The following TBL1X variants were observed in gnomAD, a reference collection of about 807,000 sequenced individuals.
TBL1X encodes transducin beta like 1 X-linked.
A neutral mutation model predicts 50.7 loss-of-function variants in TBL1X; 10 were observed. The ratio of observed to expected loss-of-function variants is 0.20; its 90% CI spans 0.12 to 0.33. The LOEUF (loss-of-function observed/expected upper bound fraction) is 0.33, where lower values mean the gene tolerates loss of function less well. Ranked by LOEUF, TBL1X falls within the 10% of genes least tolerant of loss-of-function variation. The pLI is 1.00. For synonymous variants in TBL1X, 190 were observed against 214.7 expected (o/e 0.88, Z 1.01); for missense variants, 340 against 504.4 (o/e 0.67, Z 3.12).
intron 15 of TBL1X, 43 bp downstream of exon 15, chrX:9,709,803 A>G (rs752366539): frequency 9.2e-6 from 11 of 1,194,574 alleles, no homozygotes; most frequent in East Asian, 3.0e-5. Context: ...GTGTTACACA[A>G]AGACAACAGG....
chrX:9,670,425 C>T (rs1287624766), intron 5 of TBL1X, among the ~76,000 whole-genome samples: 2 of 111,441 alleles, frequency 1.8e-5, no homozygotes, highest in African/African-American at 6.5e-5. Flanking sequence ...TCTAAGCCTT[C>T]GGAGAGACTT....
At chrX:9,600,066 C>T (rs1601785818) in intron 2 of TBL1X, among the ~76,000 whole-genome samples, 1 of 111,896 alleles carries the variant, frequency 8.9e-6, no homozygotes, top group African/African-American at 3.2e-5. Context: ...TCAGTTGGAT[C>T]AGTAACACTC....
intron 11 of TBL1X, among the ~76,000 whole-genome samples, chrX:9,695,364 A>C (rs1436371858): frequency 8.9e-6 from 1 of 112,548 alleles, no homozygotes; most frequent in Non-Finnish European, 1.9e-5. Flanking sequence ...AACCTTTCAG[A>C]CTTAGTAGCC....
intron 1 of TBL1X, among the ~76,000 whole-genome samples, chrX:9,479,417 G>C (rs1005651854): frequency 8.9e-6 from 1 of 112,338 alleles, no homozygotes; most frequent in African/African-American, 3.3e-5. Flanking sequence ...CTGCACTCCA[G>C]TCTGGGCAAC....
chrX:9,539,983 C>G lies in TBL1X; in HGVS notation c.-131+38134C>G, dbSNP rs187693587. Among the ~76,000 whole-genome samples the G allele has an allele frequency of 8.0e-5, 9 of 112,662 alleles. No individual in the cohort carries two copies. In the Admixed American group the frequency reaches 8.4e-4, roughly 11 times the overall value. ...AAGACATTCATAGTTGCAGGCAGAA[C>G]AGAATATCCAGAACAGGTGCAGAAT... On this transcript the variant is annotated intron_variant, in intron 2 of 17. Coordinates refer to ENST00000645353, the MANE Select transcript of TBL1X (RefSeq NM_005647.4).
intron 1 of TBL1X, among the ~76,000 whole-genome samples, chrX:9,484,879 C>T (rs1025777873): frequency 1.1e-5 from 1 of 92,789 alleles, no homozygotes; most frequent in African/African-American, 4.2e-5. Flanking sequence ...CCGAGAAGTT[C>T]GAGACCAGCC....
At chrX:9,670,278 G>C (rs1331293004) in intron 5 of TBL1X, among the ~76,000 whole-genome samples, 1 of 110,814 alleles carries the variant, frequency 9.0e-6, no homozygotes, top group African/African-American at 3.3e-5. Context: ...AACCGGTCCT[G>C]TGGCCCCCCC....
intron 2 of TBL1X, chrX:9,560,487 C>G (rs939242620): frequency 5.3e-5 from 6 of 112,469 alleles, no homozygotes; most frequent in African/African-American, 1.9e-4. Flanking sequence ...TGCGTTGCTT[C>G]TCACTTTCAC....
chrX:9,686,236 C>T (rs1265488731), intron 6 of TBL1X, among the ~76,000 whole-genome samples: 2 of 111,714 alleles, frequency 1.8e-5, no homozygotes, highest in Non-Finnish European at 3.8e-5. Context: ...AAGGTCCAGC[C>T]AGCCATCAGA....
At chrX:9,547,373 G>A (rs2082249909) in intron 2 of TBL1X, among the ~76,000 whole-genome samples, 1 of 110,307 alleles carries the variant, frequency 9.1e-6, no homozygotes, top group Non-Finnish European at 1.9e-5. Flanking sequence ...AGGCTGGAGT[G>A]CAATGGCGCG....
chrX:9,620,872 C>A (rs1294527004), intron 2 of TBL1X, among the ~76,000 whole-genome samples: 1 of 111,950 alleles, frequency 8.9e-6, no homozygotes, highest in African/African-American at 3.3e-5. Context: ...CCACTGGGTC[C>A]CAGGCAGGGA....
intron 2 of TBL1X, among the ~76,000 whole-genome samples, chrX:9,560,929 C>T (rs1038180307): frequency 2.9e-4 from 32 of 111,782 alleles, no homozygotes; most frequent in African/African-American, 9.8e-4. Context: ...TCATTCTTAC[C>T]GAAGTGGCTG....
chrX:9,685,955 C>T (rs1469423371), intron 6 of TBL1X, among the ~76,000 whole-genome samples: 2 of 110,381 alleles, frequency 1.8e-5, no homozygotes, highest in South Asian at 3.8e-4. Flanking sequence ...GCGATCCTCC[C>T]GCGATCCTCC....
At chrX:9,569,621 G>A (rs2082374634) in intron 2 of TBL1X, among the ~76,000 whole-genome samples, 2 of 111,789 alleles carry the variant, frequency 1.8e-5, no homozygotes, top group African/African-American at 3.3e-5. Flanking sequence ...AGCTGTGATC[G>A]CGCCACTGCA....
At chrX:9,565,067 G>A (rs971960803) in intron 2 of TBL1X, among the ~76,000 whole-genome samples, 11 of 109,214 alleles carry the variant, frequency 1.0e-4, no homozygotes, top group African/African-American at 3.0e-4. Context: ...TCAGGAGATC[G>A]AGACCATCCT....
rs1173199837 is a variant in TBL1X, at chrX:9,718,128, GC to G, written c.*1883del. 4 of 110,871 alleles carry G rather than the reference GC, an allele frequency of 3.6e-5. No homozygotes were observed. In the East Asian group the frequency reaches 1.2e-3, roughly 32 times the overall value. 9.1% of individuals were successfully genotyped at this position (110,871 alleles called of 1,213,427 possible). A position where few individuals can be genotyped will look rare whatever the true frequency, so the allele number is the denominator to read the frequency against. On this transcript the variant is annotated 3_prime_UTR_variant, in exon 18 of 18. Transcript: ENST00000645353. ...GAGGAAGATGGCCCAGCCCGTGGGG[GC>G]TGCTGGGTCACCAGCAGTGGGTAGG...
chrX:9,637,533 T>C (rs1173697006), intron 2 of TBL1X: 1 of 111,858 alleles, frequency 8.9e-6, no homozygotes, highest in Non-Finnish European at 1.9e-5. Flanking sequence ...AGAAATGAAC[T>C]TGAAGAAGAA....
rs746603839 is a variant in TBL1X at position 9,703,683 on chromosome X, C to T, written c.1115-1310C>T. Among the ~76,000 whole-genome samples the T allele has an allele frequency of 3.6e-5, 4 of 112,124 alleles. No homozygotes were observed. In the East Asian group the frequency reaches 8.5e-4, roughly 24 times the overall value. ...GCCCCCACCGTGGGAACTTCCACAC[C>T]TCCAGCGCACTCCCTGTCCCGGGCA... On this transcript the variant is annotated intron_variant, in intron 12 of 17. Coordinates refer to ENST00000645353, the MANE Select transcript of TBL1X (RefSeq NM_005647.4).
intron 2 of TBL1X, among the ~76,000 whole-genome samples, chrX:9,538,390 T>G (rs1002772183): frequency 8.9e-6 from 1 of 111,839 alleles, no homozygotes; most frequent in Non-Finnish European, 1.9e-5. Flanking sequence ...AACTATCAAA[T>G]AGTTAACACA....
Sources: gnomAD v4.1 joint callset for allele counts (sites outside exome capture counted in the v4.1 genomes callset) on GRCh38, gnomAD v4.1.1 for gene constraint, MANE v1.5 for transcripts, NCBI Gene and HGNC (gene_info 2026-07-23, HGNC 2026-07-21) for gene names.